Variants in PDE4C observed in about 807,000 individuals in gnomAD.
PDE4C encodes the protein 3',5'-cyclic-AMP phosphodiesterase 4C.
A neutral mutation model predicts 63.9 loss-of-function variants in PDE4C; 50 were observed. That is an observed-to-expected ratio of 0.78 (90% CI 0.62 to 0.99). The LOEUF (loss-of-function observed/expected upper bound fraction) is 0.99, where lower values mean the gene tolerates loss of function less well. Among genes scored for constraint, PDE4C ranks in the 50% least tolerant of loss-of-function variants. The pLI, the probability that PDE4C is intolerant of heterozygous loss-of-function variation, is 0.00. For missense variants in PDE4C, 777 were observed against 899.1 expected, an observed-to-expected ratio of 0.86 and a Z score of 1.74; for synonymous variants, 377 against 385.1, an observed-to-expected ratio of 0.98 and a Z score of 0.25.
chr19:18,250,063 C>T (rs1969213917), upstream of PDE4C: 2 of 398,742 alleles, frequency 5.0e-6, no homozygotes, highest in Non-Finnish European at 8.8e-6. Flanking sequence ...TTTATTTCCT[C>T]AGGTTCTGCT....
chr19:18,214,645 T>C (rs1190827192), intron 12 of PDE4C, among the ~76,000 whole-genome samples: 1 of 151,878 alleles, frequency 6.6e-6, no homozygotes, highest in African/African-American at 2.4e-5. Flanking sequence ...TAGGCACAGA[T>C]GTTTAAAAAC....
At chr19:18,230,258 C>T (rs555735679), upstream of PDE4C, among the ~76,000 whole-genome samples, 59 of 152,342 alleles carry the variant, frequency 3.9e-4, no homozygotes, top group African/African-American at 1.3e-3. Flanking sequence ...GCAATCCCAG[C>T]ACTCTGGGAG....
chr19:18,254,032 A>G, the PDE4C span, among the ~76,000 whole-genome samples: 1 of 152,160 alleles, frequency 6.6e-6, no homozygotes, highest in South Asian at 2.1e-4. Context: ...GGCTGGGTCC[A>G]CATGCCACCC....
upstream of PDE4C, among the ~76,000 whole-genome samples, chr19:18,229,321 A>G (rs1968802429): frequency 6.6e-6 from 1 of 150,912 alleles, no homozygotes; most frequent in Non-Finnish European, 1.5e-5. Context: ...GCTCACTGCA[A>G]CCTCTGCCTC....
chr19:18,242,178 G>T (rs146784669), intron 1 of PDE4C, among the ~76,000 whole-genome samples: 1 of 152,134 alleles, frequency 6.6e-6, no homozygotes, highest in East Asian at 1.9e-4. Context: ...GTAGGTTTAA[G>T]AAATGGGAAT....
chr19:18,226,499 A>T, upstream of PDE4C: 27 of 1,047,724 alleles, frequency 2.6e-5, no homozygotes, highest in Admixed American at 9.7e-5. Flanking sequence ...CCCAGCGGGG[A>T]GGGGGCAAAG....
chr19:18,247,158 C>T (rs1248684370), intron 1 of PDE4C, among the ~76,000 whole-genome samples: 1 of 152,208 alleles, frequency 6.6e-6, no homozygotes. Flanking sequence ...TGTGTCCAGG[C>T]ACAAGGGATC....
At chr19:18,221,664 G>A (rs1472885818) in intron 2 of PDE4C, among the ~76,000 whole-genome samples, 8 of 151,988 alleles carry the variant, frequency 5.3e-5, no homozygotes, top group Non-Finnish European at 7.4e-5. Context: ...TTGCTCTTTC[G>A]CCCAGGCTGG....
intron 1 of PDE4C, among the ~76,000 whole-genome samples, chr19:18,240,573 A>G (rs2148065629): frequency 6.6e-6 from 1 of 152,170 alleles, no homozygotes; most frequent in Middle Eastern, 3.4e-3. Flanking sequence ...TGAAAATACA[A>G]AAAAGTTAGC....
In PDE4C at chr19:18,232,127, G is replaced by T. The variant is rs1968860133; in HGVS notation, c.242+823C>A. Among the ~76,000 whole-genome samples, 3 of 152,120 alleles carry T rather than the reference G, an allele frequency of 2.0e-5. No individual in the cohort carries two copies. In the South Asian group the frequency reaches 6.2e-4, roughly 32 times the overall value. On this transcript the variant is annotated intron_variant, in intron 1 of 14. Coordinates refer to the PDE4C transcript ENST00000594465. The stretch of plus-strand genomic sequence containing the variant: ...CACATGTAATCCTAGTACTTTGAGA[G>T]ACTAAGGCGGGAGGATTACTTGAGG...
chr19:18,221,418 TC>T (rs1401367338), intron 2 of PDE4C, 121 bp from the exon 3 acceptor site: 1 of 970,526 alleles, frequency 1.0e-6, no homozygotes, highest in Middle Eastern at 2.3e-4. Flanking sequence ...TCCTTCTTAG[TC>T]CCTGGGGTCC....
chr19:18,253,392 AT>A, the PDE4C span, among the ~76,000 whole-genome samples: 1 of 152,124 alleles, frequency 6.6e-6, no homozygotes, highest in Non-Finnish European at 1.5e-5. Context: ...CTACAAAAAA[AT>A]AAAACAAAAA....
rs756209308 is a variant in PDE4C at position 18,220,360 on chromosome 19, C to T, written c.613-41G>A. ...GGTGAAGACCGTGATGATGGGGCAC[C>T]GTGGGCCGAGGCAGGTGAGCTCAGC... On this transcript the variant is annotated intron_variant, in intron 6 of 14. Coordinates refer to ENST00000262805, the Ensembl canonical transcript of PDE4C. The surrounding 1 kb of genome is among the most constrained non-coding windows in gnomAD (Gnocchi z 5.1). The T allele has an allele frequency of 1.2e-6, 2 of 1,612,204 alleles. No homozygotes were observed. Among genetic ancestry groups the T allele is most frequent in the South Asian group, 1.1e-5 (1 of 91,054 alleles).
intron 1 of PDE4C, among the ~76,000 whole-genome samples, chr19:18,245,672 G>A (rs975244386): frequency 3.9e-5 from 6 of 151,922 alleles, no homozygotes; most frequent in Non-Finnish European, 8.8e-5. Flanking sequence ...CTTTTTTCTT[G>A]CCTTAACATC....
At chr19:18,214,791 A>G (rs1285403974) in intron 12 of PDE4C, among the ~76,000 whole-genome samples, 2 of 151,998 alleles carry the variant, frequency 1.3e-5, no homozygotes, top group Non-Finnish European at 2.9e-5. Context: ...TCCACTAAAA[A>G]TACAAAAAAT....
upstream of PDE4C, chr19:18,226,486 G>C: frequency 1.6e-6 from 2 of 1,276,216 alleles, no homozygotes; most frequent in Non-Finnish European, 2.0e-6. Context: ...TGCGGGGGCG[G>C]GGCCCAGCGG....
At chr19:18,211,766 T>G (rs1967951593) in exon 14 of PDE4C, 2 of 1,614,082 alleles carry the variant, frequency 1.2e-6, no homozygotes, top group South Asian at 2.2e-5. Context: ...AACCTGGGAC[T>G]TCTCCACTGA....
upstream of PDE4C, among the ~76,000 whole-genome samples, chr19:18,248,739 C>T (rs1034822285): frequency 5.3e-5 from 8 of 152,020 alleles, no homozygotes; most frequent in African/African-American, 9.7e-5. Flanking sequence ...CCTCTCTGGT[C>T]ATTGGCTGGG....
At chr19:18,249,019 C>G, upstream of PDE4C, among the ~76,000 whole-genome samples, 1 of 126,076 alleles carries the variant, frequency 7.9e-6, no homozygotes. Flanking sequence ...GAGCGAAACT[C>G]CATCTTATTA....
Sources: allele counts gnomAD v4.1 joint callset (sites outside exome capture counted in the v4.1 genomes callset), GRCh38; gene constraint gnomAD v4.1.1; non-coding constraint Gnocchi (gnomAD v3.1); transcripts MANE v1.5; gene names NCBI Gene and HGNC (gene_info 2026-07-23, HGNC 2026-07-21).